Variants in CAMTA1 observed in about 807,000 individuals in gnomAD.
CAMTA1 encodes calmodulin binding transcription activator 1.
CAMTA1 carries 27 observed loss-of-function variants against 170.9 expected under a neutral mutation model. That is an observed-to-expected ratio of 0.16 (90% CI 0.12 to 0.22). The LOEUF is 0.22. Ranked by LOEUF, CAMTA1 falls within the 10% of genes least tolerant of loss-of-function variation. CAMTA1 has a pLI of 1.00. For missense variants in CAMTA1, 1,619 were observed against 2,217.2 expected (o/e 0.73, Z 5.42); for synonymous variants, 833 against 891.5 (o/e 0.93, Z 1.17).
intron 5 of CAMTA1, among the ~76,000 whole-genome samples, chr1:7,296,351 T>C (rs1553125097): frequency 6.6e-6 from 1 of 152,206 alleles, no homozygotes; most frequent in Non-Finnish European, 1.5e-5. Flanking sequence ...CCTGTTTGGC[T>C]CCAGTACTTG....
intron 6 of CAMTA1, among the ~76,000 whole-genome samples, chr1:7,480,553 C>T (rs1348322002): frequency 6.6e-6 from 1 of 152,078 alleles, no homozygotes; most frequent in Non-Finnish European, 1.5e-5. Context: ...CTCTGCCTTG[C>T]TATACCAGAA....
intron 5 of CAMTA1, among the ~76,000 whole-genome samples, chr1:7,410,283 C>T (rs1384031735): frequency 6.6e-6 from 1 of 152,198 alleles, no homozygotes; most frequent in African/African-American, 2.4e-5. Flanking sequence ...TGGGCATGAG[C>T]CCCCAAAAAC....
intron 4 of CAMTA1, among the ~76,000 whole-genome samples, chr1:7,197,162 G>A (rs1240681823): frequency 6.6e-6 from 1 of 152,222 alleles, no homozygotes; most frequent in Non-Finnish European, 1.5e-5. Context: ...CTCTGGAAGT[G>A]TACATTTCAT....
intron 11 of CAMTA1, among the ~76,000 whole-genome samples, chr1:7,690,262 C>T (rs749069351): frequency 3.3e-5 from 5 of 152,218 alleles, no homozygotes; most frequent in Non-Finnish European, 7.3e-5. Flanking sequence ...GGTGTCCCCG[C>T]GGAGTGAGCT....
intron 9 of CAMTA1, among the ~76,000 whole-genome samples, chr1:7,668,640 TCAC>T (rs1376972515): frequency 6.6e-6 from 1 of 151,902 alleles, no homozygotes; most frequent in Non-Finnish European, 1.5e-5. Context: ...GGCACGCGCG[TCAC>T]CACCAGTTCA....
chr1:6,835,762 G>C (rs1362326317), intron 3 of CAMTA1, among the ~76,000 whole-genome samples: 2 of 152,186 alleles, frequency 1.3e-5, no homozygotes, highest in Non-Finnish European at 2.9e-5. Context: ...GAGCTTTCTA[G>C]AGCTTTTTTC....
intron 10 of CAMTA1, chr1:7,672,000 T>C (rs570410178): frequency 2.6e-4 from 117 of 456,212 alleles, no homozygotes; most frequent in African/African-American, 2.2e-3. Flanking sequence ...TCATGTCTTC[T>C]GCTCCTGGGC....
intron 7 of CAMTA1, among the ~76,000 whole-genome samples, chr1:7,654,565 T>C (rs1020318830): frequency 7.6e-6 from 1 of 131,776 alleles, no homozygotes; most frequent in Admixed American, 7.4e-5. Flanking sequence ...CACACACCTA[T>C]ACACACACAC....
At chr1:7,200,612 G>A (rs1180720968) in intron 4 of CAMTA1, among the ~76,000 whole-genome samples, 1 of 152,146 alleles carries the variant, frequency 6.6e-6, no homozygotes, top group Non-Finnish European at 1.5e-5. Flanking sequence ...ATGTCCCTCA[G>A]TTCTGGTTTG....
At chr1:7,719,242 G>C (rs532946418) in intron 11 of CAMTA1, among the ~76,000 whole-genome samples, 2 of 152,282 alleles carry the variant, frequency 1.3e-5, no homozygotes, top group East Asian at 3.9e-4. Flanking sequence ...ACTGTGTTGT[G>C]ATGTGGCTGC....
chr1:7,632,322 A>G (rs2095676162), intron 6 of CAMTA1, among the ~76,000 whole-genome samples: 1 of 152,164 alleles, frequency 6.6e-6, no homozygotes, highest in South Asian at 2.1e-4. Flanking sequence ...CCCCAGCGGC[A>G]AGTGGGGAGG....
intron 3 of CAMTA1, among the ~76,000 whole-genome samples, chr1:6,849,014 G>T (rs1346832669): frequency 6.6e-6 from 1 of 152,186 alleles, no homozygotes; most frequent in African/African-American, 2.4e-5. Flanking sequence ...GTGGGAAAGG[G>T]TTCATGACAA....
Position 6,825,348 on chromosome 1 carries a change from G to A in CAMTA1, c.234+138G>A, listed in dbSNP as rs566904539. 7.2e-6 allele frequency: 4 copies of A among 552,624 alleles called. No individual in the cohort carries two copies. The South Asian group carries it at 1.0e-4, about 14-fold the overall frequency. 34.2% of individuals were successfully genotyped at this position (552,624 alleles called of 1,614,324 possible). On this transcript the variant is annotated intron_variant, in intron 3 of 22. Transcript: ENST00000303635. ...ATTGTAAATGACATTATTTAATCTGGATTTGACAGAAACCAACCAACATGT... is the reference window on the plus strand; with the variant it reads ...ATTGTAAATGACATTATTTAATCTGAATTTGACAGAAACCAACCAACATGT...
intron 4 of CAMTA1, among the ~76,000 whole-genome samples, chr1:7,159,805 C>T (rs1647099006): frequency 6.6e-6 from 1 of 152,174 alleles, no homozygotes; most frequent in Non-Finnish European, 1.5e-5. Flanking sequence ...GCCTTGGCCT[C>T]CCAAAGTGCT....
chr1:7,336,894 G>A (rs2083418226), intron 5 of CAMTA1, among the ~76,000 whole-genome samples: 1 of 152,202 alleles, frequency 6.6e-6, no homozygotes, highest in Non-Finnish European at 1.5e-5. Context: ...CCACATGTGT[G>A]CCAAGGAACT....
intron 1 of CAMTA1, among the ~76,000 whole-genome samples, chr1:6,799,092 A>G (rs1331109522): frequency 2.0e-5 from 3 of 152,140 alleles, no homozygotes; most frequent in East Asian, 3.9e-4. Context: ...AAAATTTTTT[A>G]GAGACAAGAG....
At chr1:7,522,674 G>A (rs2094381130) in intron 6 of CAMTA1, among the ~76,000 whole-genome samples, 1 of 152,260 alleles carries the variant, frequency 6.6e-6, no homozygotes. Context: ...TTAGGTCGAG[G>A]TTCCTTTTGT....
intron 6 of CAMTA1, among the ~76,000 whole-genome samples, chr1:7,579,951 G>A (rs1056126605): frequency 6.6e-6 from 1 of 152,356 alleles, no homozygotes; most frequent in Admixed American, 6.5e-5. Flanking sequence ...TCTGGGTCGT[G>A]GCACCCAAGT....
chr1:7,105,889 C>T (rs147672480), intron 4 of CAMTA1, among the ~76,000 whole-genome samples: 118 of 151,536 alleles, frequency 7.8e-4, no homozygotes, highest in African/African-American at 2.6e-3. Flanking sequence ...TGCAGTGAGC[C>T]GAGATCACGC....
Sources: allele counts gnomAD v4.1 joint callset (sites outside exome capture counted in the v4.1 genomes callset), GRCh38; gene constraint gnomAD v4.1.1; transcripts MANE v1.5; gene names NCBI Gene and HGNC (gene_info 2026-07-23, HGNC 2026-07-21).